SGPP2: variants seen among roughly 807,000 people sequenced by gnomAD.
SGPP2 encodes the protein sphingosine 1-phosphate phosphohydrolase 2.
SGPP2 carries 30 observed loss-of-function variants against 33.9 expected under a neutral mutation model. The ratio of observed to expected loss-of-function variants is 0.89; its 90% CI spans 0.66 to 1.20. The LOEUF (loss-of-function observed/expected upper bound fraction) is 1.20. Ranked by LOEUF, SGPP2 falls within the 50% of genes most tolerant of loss-of-function variation. The pLI is 0.00. For synonymous variants in SGPP2, 233 were observed against 225.0 expected (o/e 1.04, Z -0.32); for missense variants, 458 against 532.1 (o/e 0.86, Z 1.37).
At chr2:222,471,287 C>T (rs747058677) in intron 1 of SGPP2, among the ~76,000 whole-genome samples, 7 of 152,036 alleles carry the variant, frequency 4.6e-5, no homozygotes, top group African/African-American at 4.8e-5. Context: ...GTCAACTTTC[C>T]CTCAGGGCTA....
At chr2:222,500,674 C>A (rs1411904684) in intron 2 of SGPP2, among the ~76,000 whole-genome samples, 1 of 152,176 alleles carries the variant, frequency 6.6e-6, no homozygotes, top group African/African-American at 2.4e-5. Context: ...CCAGGGCACC[C>A]TCACTGAAAA....
At chr2:222,535,885 T>G (rs938556328) in intron 4 of SGPP2, among the ~76,000 whole-genome samples, 4 of 152,150 alleles carry the variant, frequency 2.6e-5, no homozygotes, top group African/African-American at 9.7e-5. Context: ...GACTCAGAAG[T>G]GCCAATTAAA....
intron 2 of SGPP2, among the ~76,000 whole-genome samples, chr2:222,496,945 C>G (rs1393741729): frequency 5.3e-5 from 8 of 152,162 alleles, no homozygotes; most frequent in Non-Finnish European, 1.2e-4. Flanking sequence ...TAAGAGATGT[C>G]CCCTACAGAA....
At chr2:222,499,740 A>G (rs1698338505) in intron 2 of SGPP2, among the ~76,000 whole-genome samples, 1 of 152,108 alleles carries the variant, frequency 6.6e-6, no homozygotes, top group African/African-American at 2.4e-5. Flanking sequence ...AGCTTTTCCA[A>G]TTCAGTGTCA....
At chr2:222,546,538 T>C (rs1456751086) in intron 4 of SGPP2, among the ~76,000 whole-genome samples, 2 of 152,190 alleles carry the variant, frequency 1.3e-5, no homozygotes, top group Admixed American at 6.5e-5. Flanking sequence ...GTTCCTAGTA[T>C]GTAGAAGGGA....
intron 2 of SGPP2, among the ~76,000 whole-genome samples, chr2:222,495,928 G>C (rs1426648777): frequency 6.6e-6 from 1 of 152,056 alleles, no homozygotes; most frequent in African/African-American, 2.4e-5. Context: ...TTAGTATCCT[G>C]ACCCACCTTC....
chr2:222,488,289 C>T (rs1370321594), intron 2 of SGPP2, among the ~76,000 whole-genome samples: 8 of 152,152 alleles, frequency 5.3e-5, no homozygotes, highest in Non-Finnish European at 7.4e-5. Context: ...TGTTAGGAAC[C>T]AGGTCACACA....
rs1464348854 is a variant in SGPP2 at position 222,521,908 on chromosome 2, G to T, written c.520G>T (p.Ala174Ser). 6.2e-7 allele frequency: 1 copy of T among 1,605,010 alleles called. No individual in the cohort carries two copies. The highest frequency in any genetic ancestry group is 8.5e-7 in the Non-Finnish European group (1 of 1,176,724). Residue 174 changes from alanine to serine, a missense_variant, in exon 3 of 5, where the codon GCC (alanine) becomes TCC (serine). By Grantham distance (99) the Ala-to-Ser change is moderately conservative. Coordinates refer to ENST00000321276, the MANE Select transcript of SGPP2 (RefSeq NM_152386.4). ...CCACGCCATGGCGGCCACTGCCATT[G>T]CCTTCACCCTCCTTATCTCTACTAT... ...STHAMAATAI[A>S]FTLLISTMDR...
intron 4 of SGPP2, among the ~76,000 whole-genome samples, chr2:222,536,689 T>TA (rs1363379007): frequency 2.6e-5 from 4 of 151,860 alleles, no homozygotes; most frequent in South Asian, 4.2e-4. Context: ...CCAAAAAAAA[T>TA]AAAAAAATAA....
At chr2:222,557,309 T>G (rs1014662143) in intron 4 of SGPP2, among the ~76,000 whole-genome samples, 1 of 152,230 alleles carries the variant, frequency 6.6e-6, no homozygotes, top group African/African-American at 2.4e-5. Flanking sequence ...CAGTAGGCAC[T>G]CATACTTGAC....
At chr2:222,495,722 G>C (rs1231881081) in intron 2 of SGPP2, among the ~76,000 whole-genome samples, 2 of 152,162 alleles carry the variant, frequency 1.3e-5, no homozygotes, top group Non-Finnish European at 2.9e-5. Context: ...GACAAGGCCA[G>C]ACACAGACTC....
chr2:222,474,461 A>G, intron 1 of SGPP2, 107 bp from the exon 2 acceptor site: 1 of 913,618 alleles, frequency 1.1e-6, no homozygotes, highest in Non-Finnish European at 1.7e-6. Flanking sequence ...ACATAATGGG[A>G]GAGGAGACAG....
At chr2:222,492,493 G>A (rs924769464) in intron 2 of SGPP2, among the ~76,000 whole-genome samples, 6 of 152,196 alleles carry the variant, frequency 3.9e-5, no homozygotes, top group Admixed American at 1.3e-4. Context: ...CTGAATCAGC[G>A]GGGACACAGG....
intron 1 of SGPP2, among the ~76,000 whole-genome samples, chr2:222,434,553 C>T (rs878875444): frequency 2.0e-5 from 3 of 152,204 alleles, no homozygotes; most frequent in Admixed American, 2.0e-4. Context: ...CCCAAATGCT[C>T]ATTGGCAGTG....
chr2:222,472,426 T>C (rs1216880659), intron 1 of SGPP2, among the ~76,000 whole-genome samples: 2 of 152,106 alleles, frequency 1.3e-5, no homozygotes, highest in African/African-American at 2.4e-5. Flanking sequence ...GTCATGGGTC[T>C]AGGTGGAGTC....
chr2:222,478,768 C>A (rs1697987925), intron 2 of SGPP2, among the ~76,000 whole-genome samples: 1 of 146,620 alleles, frequency 6.8e-6, no homozygotes, highest in Non-Finnish European at 1.5e-5. Flanking sequence ...GTGACTCACA[C>A]TGTCTGAAGT....
chr2:222,447,100 G>C (rs571826644), intron 1 of SGPP2, among the ~76,000 whole-genome samples: 114 of 152,254 alleles, frequency 7.5e-4, no homozygotes, highest in African/African-American at 2.6e-3. Flanking sequence ...TCCATGTTTT[G>C]CCTGTTGGCT....
At chr2:222,508,444 C>T (rs1439469157) in intron 2 of SGPP2, among the ~76,000 whole-genome samples, 4 of 152,184 alleles carry the variant, frequency 2.6e-5, no homozygotes, top group Non-Finnish European at 5.9e-5. Flanking sequence ...ATTTCCTTAT[C>T]TGTAAAATAA....
At chr2:222,464,223 A>G (rs1697709039) in intron 1 of SGPP2, among the ~76,000 whole-genome samples, 1 of 152,196 alleles carries the variant, frequency 6.6e-6, no homozygotes, top group African/African-American at 2.4e-5. Flanking sequence ...TTCTTAAGAC[A>G]TTTTGATTAT....
Sources: gnomAD v4.1 joint callset for allele counts (sites outside exome capture counted in the v4.1 genomes callset) on GRCh38, gnomAD v4.1.1 for gene constraint, MANE v1.5 for transcripts, NCBI Gene and HGNC (gene_info 2026-07-23, HGNC 2026-07-21) for gene names.